SLC26A11: variants seen among roughly 807,000 people sequenced by gnomAD.
SLC26A11 encodes sodium-independent sulfate anion transporter.
A neutral mutation model predicts 62.2 loss-of-function variants in SLC26A11; 58 were observed. That is an observed-to-expected ratio of 0.93 (90% confidence interval 0.76 to 1.16). The LOEUF is 1.16. Among genes scored for constraint, SLC26A11 ranks in the 50% most tolerant of loss-of-function variants. The pLI is 0.00. For synonymous variants in SLC26A11, 411 were observed against 368.9 expected (o/e 1.11, Z -1.31); for missense variants, 790 against 794.3 (o/e 0.99, Z 0.06).
Position 80,252,505 on chromosome 17 carries a change from C to G in SLC26A11, c.1730-120C>G. The G allele has an allele frequency of 1.2e-6, 1 of 825,656 alleles. No homozygotes were observed. The highest frequency in any genetic ancestry group is 1.7e-5 in the South Asian group (1 of 57,554). 51.1% of individuals were successfully genotyped at this position (825,656 alleles called of 1,614,324 possible). On this transcript the variant is annotated intron_variant, in intron 17 of 17. Transcript: ENST00000361193. This position sits in a 1 kb window ranked among gnomAD's most constrained non-coding sequence, Gnocchi z 5.2. ...TAGTGACACTGGCCTGGGTGGCCCA[C>G]AGCTCCTTCCTGCACACCTTCCAGG...
At chr17:80,224,365 G>GTA (rs1491210232) in intron 5 of SLC26A11, among the ~76,000 whole-genome samples, 2 of 52,752 alleles carry the variant, frequency 3.8e-5, no homozygotes, top group African/African-American at 2.3e-4. Context: ...GTGTGAGGGA[G>GTA]TGTGAGTGCG....
intron 11 of SLC26A11, among the ~76,000 whole-genome samples, chr17:80,245,901 C>A (rs140877269): frequency 3.0e-3 from 461 of 152,328 alleles, no homozygotes; most frequent in Non-Finnish European, 5.3e-3. Flanking sequence ...TGGATGGGGG[C>A]AGGAGACAGA....
intron 16 of SLC26A11, among the ~76,000 whole-genome samples, chr17:80,250,163 G>A (rs751485643): frequency 8.5e-5 from 13 of 152,212 alleles, no homozygotes; most frequent in Middle Eastern, 3.4e-3. Context: ...TTAAATGTGC[G>A]CTCTCTGCCA....
chr17:80,233,791 C>T (rs929966151), intron 7 of SLC26A11, among the ~76,000 whole-genome samples: 3 of 118,128 alleles, frequency 2.5e-5, no homozygotes, highest in African/African-American at 9.2e-5. Flanking sequence ...GTTGCCCAGG[C>T]TGGTCTCTTA....
At position 80,253,049 on chromosome 17, in the gene SLC26A11, C is replaced by G. The variant is rs960576897; in HGVS notation, c.*333C>G. On this transcript the variant is annotated 3_prime_UTR_variant, in exon 18 of 18. Transcript: ENST00000361193. ...TCCAGCCCGGGCTGTGCGAGGCATC[C>G]TGGGGCTGGCAGCACCTTCCCGGCT... The G allele has an allele frequency of 5.6e-6, 1 of 180,092 alleles. No homozygotes were observed. Among genetic ancestry groups the G allele is most frequent in the Non-Finnish European group, 1.2e-5 (1 of 85,342 alleles). The allele number at this position is 180,092 out of a possible 1,614,324, so 11.2% of individuals were successfully genotyped here. A position where few individuals can be genotyped will look rare whatever the true frequency, so the allele number is the denominator to read the frequency against.
At chr17:80,227,714 TG>T in intron 6 of SLC26A11, 103 bp from the exon 7 acceptor site, 1 of 1,501,838 alleles carries the variant, frequency 6.7e-7, no homozygotes, top group Non-Finnish European at 8.9e-7. Flanking sequence ...TGGGCCTCCC[TG>T]GGAGCTTCTT....
At chr17:80,244,629 G>A (rs753095516) in intron 10 of SLC26A11, among the ~76,000 whole-genome samples, 9 of 152,110 alleles carry the variant, frequency 5.9e-5, no homozygotes, top group Non-Finnish European at 8.8e-5. Flanking sequence ...GTCACCTGAG[G>A]TCAGGCATTT....
At position 80,245,258 on chromosome 17, in the gene SLC26A11, T is replaced by C; in HGVS notation, c.1097+2T>C. 1 of 1,613,780 alleles carries C rather than the reference T, an allele frequency of 6.2e-7. No individual in the cohort carries two copies. On this transcript the variant is annotated splice_donor_variant, in intron 11 of 17. Transcript: ENST00000361193. LOFTEE classifies it high-confidence loss of function. The stretch of plus-strand genomic sequence containing the variant: ...CCCGGTCACAGGCAGCTTTGGACGG[T>C]GAGTGACCTGTCCGCCTCTTCTGTT...
chr17:80,224,224 TG>T (rs2042310174), intron 5 of SLC26A11, among the ~76,000 whole-genome samples: 1 of 150,448 alleles, frequency 6.6e-6, no homozygotes. Context: ...AGTGAGTGTG[TG>T]AGAGTGTGAG....
chr17:80,247,474 A>G (rs1011268440), intron 13 of SLC26A11, among the ~76,000 whole-genome samples: 3 of 152,018 alleles, frequency 2.0e-5, no homozygotes, highest in Non-Finnish European at 2.9e-5. Context: ...AACTTAACAC[A>G]TTTTGTTTTG....
chr17:80,249,148 C>G lies in SLC26A11; in HGVS notation c.1523-6C>G, dbSNP rs1371476558. The G allele has an allele frequency of 6.2e-7, 1 of 1,604,000 alleles. No individual in the cohort carries two copies. Among genetic ancestry groups the G allele is most frequent in the East Asian group, 2.2e-5 (1 of 44,778 alleles). ...GGCGTGACCTGGCTCGGGCCTGTCT[C>G]CCCAGTGTCCCCGCCACGCTGCCTG... On this transcript the variant is annotated splice_region_variant and splice_polypyrimidine_tract_variant and intron_variant, in intron 15 of 17. Transcript: ENST00000361193.
At chr17:80,224,387 GTGAGTGTA>G (rs1451229700) in intron 5 of SLC26A11, among the ~76,000 whole-genome samples, 2 of 149,760 alleles carry the variant, frequency 1.3e-5, no homozygotes, top group Non-Finnish European at 3.0e-5. Flanking sequence ...GCGCGCGTGT[GTGAGTGTA>G]TGAGTGTGAG....
intron 7 of SLC26A11, among the ~76,000 whole-genome samples, chr17:80,231,051 TCTC>T (rs1438443505): frequency 6.6e-6 from 1 of 151,770 alleles, no homozygotes. Flanking sequence ...GTTTCATTGA[TCTC>T]CCTTTTGCTT....
chr17:80,250,290 C>T (rs1369412587), intron 16 of SLC26A11, among the ~76,000 whole-genome samples: 1 of 152,188 alleles, frequency 6.6e-6, no homozygotes. Flanking sequence ...AGGTGTGGAC[C>T]ACAGCCGACC....
At chr17:80,233,584 A>ATTTTTTTTT (rs56289503) in intron 7 of SLC26A11, among the ~76,000 whole-genome samples, 3 of 142,406 alleles carry the variant, frequency 2.1e-5, no homozygotes, top group Non-Finnish European at 3.0e-5. Context: ...CTCTTTCAGC[A>ATTTTTTTTT]TTTTTTTTTT....
At position 80,252,470 on chromosome 17, in the gene SLC26A11, C is replaced by T. The variant is rs1403381188; in HGVS notation, c.1730-155C>T. 6.6e-6 allele frequency among the ~76,000 whole-genome samples: 1 copy of T among 152,082 alleles called. No individual in the cohort carries two copies. Among genetic ancestry groups the T allele is most frequent in the African/African-American group, 2.4e-5 (1 of 41,406 alleles). On this transcript the variant is annotated intron_variant, in intron 17 of 17. Transcript: ENST00000361193. The surrounding 1 kb of genome is among the most constrained non-coding windows in gnomAD (Gnocchi z 5.2). Reference sequence around the variant, plus strand: ...CGCTTACAGAGACTCAGGTGAGACCCTCATGGAGTTAGTGACACTGGCCTG... The same window carrying T: ...CGCTTACAGAGACTCAGGTGAGACCTTCATGGAGTTAGTGACACTGGCCTG...
Position 80,227,786 on chromosome 17 carries a change from T to G in SLC26A11, c.594-32T>G, listed in dbSNP as rs1567948198. ...AGTCAGCAGTAGGCCTGGGCCGAGCTGGGTGGTGACCAGTCCTCTGCCTGT... is the reference window on the plus strand; with the variant it reads ...AGTCAGCAGTAGGCCTGGGCCGAGCGGGGTGGTGACCAGTCCTCTGCCTGT... On this transcript the variant is annotated intron_variant, in intron 6 of 17. Transcript: ENST00000361193. The G allele has an allele frequency of 9.4e-6, 15 of 1,598,384 alleles. No homozygotes were observed. In the East Asian group the frequency reaches 1.3e-4, roughly 14 times the overall value.
intron 5 of SLC26A11, among the ~76,000 whole-genome samples, chr17:80,224,818 A>G (rs765217249): frequency 7.9e-5 from 12 of 151,918 alleles, no homozygotes; most frequent in Admixed American, 6.6e-5. Flanking sequence ...ATACTTGGCA[A>G]CCCTAGCCCC....
chr17:80,225,214 T>G (rs1398534573), intron 5 of SLC26A11, among the ~76,000 whole-genome samples: 1 of 150,434 alleles, frequency 6.6e-6, no homozygotes, highest in Non-Finnish European at 1.5e-5. Flanking sequence ...AAAACTAAAC[T>G]AAAACACAGG....
Sources: allele counts gnomAD v4.1 joint callset (sites outside exome capture counted in the v4.1 genomes callset), GRCh38; gene constraint gnomAD v4.1.1; non-coding constraint Gnocchi (gnomAD v3.1); transcripts MANE v1.5; gene names NCBI Gene and HGNC (gene_info 2026-07-23, HGNC 2026-07-21).